DARS1: variants seen among roughly 807,000 people sequenced by gnomAD.
DARS1 encodes the protein aspartate--tRNA ligase, cytoplasmic.
A neutral mutation model predicts 68.8 loss-of-function variants in DARS1; 51 were observed. That is an observed-to-expected ratio of 0.74 (90% CI 0.59 to 0.94). The LOEUF is 0.94. Among genes scored for constraint, DARS1 ranks in the 40% least tolerant of loss-of-function variants. The pLI is 0.00. For synonymous variants in DARS1, 203 were observed against 190.4 expected (o/e 1.07, Z -0.55); for missense variants, 607 against 597.3 (o/e 1.02, Z -0.17).
intron 7 of DARS1, among the ~76,000 whole-genome samples, chr2:135,929,969 G>A (rs1681307200): frequency 1.3e-5 from 2 of 152,100 alleles, no homozygotes; most frequent in African/African-American, 2.4e-5. Context: ...TGCCATGAAT[G>A]TAATTCTTTT....
chr2:135,967,006 A>G (rs1176644273), intron 3 of DARS1, among the ~76,000 whole-genome samples: 2 of 152,202 alleles, frequency 1.3e-5, no homozygotes, highest in East Asian at 3.8e-4. Flanking sequence ...CATGGTAGGT[A>G]GTTAGGACAA....
At chr2:135,911,084 T>G (rs1680885941) in intron 15 of DARS1, 55 bp downstream of exon 15, 1 of 768,334 alleles carries the variant, frequency 1.3e-6, no homozygotes, top group Admixed American at 2.4e-5. Context: ...GTAATTCAAA[T>G]TTGTATTATA....
At chr2:135,967,163 A>G (rs1682254825) in intron 3 of DARS1, among the ~76,000 whole-genome samples, 2 of 152,166 alleles carry the variant, frequency 1.3e-5, no homozygotes, top group Non-Finnish European at 2.9e-5. Flanking sequence ...TGGATTCATT[A>G]TTTAGATAAT....
intron 15 of DARS1, 69 bp from the exon 16 acceptor site, chr2:135,907,476 A>C: frequency 2.0e-6 from 2 of 986,778 alleles, no homozygotes; most frequent in Non-Finnish European, 3.1e-6. Context: ...AGAACTACAA[A>C]CATAAATGTA....
At chr2:135,976,151 C>CA (rs1392021546) in intron 3 of DARS1, among the ~76,000 whole-genome samples, 2 of 152,092 alleles carry the variant, frequency 1.3e-5, no homozygotes, top group African/African-American at 4.8e-5. Context: ...ACTGATACAG[C>CA]ATATGAACTC....
In DARS1 at chr2:135,978,142, CAAAAAAAAAAAA is replaced by C. The variant is rs59505882; in HGVS notation, c.217+1120_217+1131del. ...TGGGTGACAGAGCAAGACTCTGTCT[CAAAAAAAAAAAA>C]AAAAAAAAAAAGAAAAAAAGAAAAA... On this transcript the variant is annotated intron_variant, in intron 3 of 15. Transcript: ENST00000264161. Among the ~76,000 whole-genome samples, 7 of 54,736 alleles carry C rather than the reference CAAAAAAAAAAAA, an allele frequency of 1.3e-4. No homozygotes were observed. The East Asian group carries it at 2.7e-3, about 21-fold the overall frequency. 35.9% of individuals were successfully genotyped at this position (54,736 alleles called of 152,430 possible).
intron 15 of DARS1, 31 bp from the exon 16 acceptor site, chr2:135,907,438 T>C: frequency 4.1e-6 from 6 of 1,478,430 alleles, no homozygotes; most frequent in Non-Finnish European, 5.6e-6. Flanking sequence ...CATTAATTCC[T>C]TTTTGAAAAT....
At chr2:135,915,105 TA>T (rs996367465) in intron 11 of DARS1, among the ~76,000 whole-genome samples, 7 of 152,108 alleles carry the variant, frequency 4.6e-5, no homozygotes, top group Admixed American at 1.3e-4. Flanking sequence ...CATATATATA[TA>T]TTTTTTTTTG....
chr2:135,940,580 T>C (rs528663492), intron 5 of DARS1, among the ~76,000 whole-genome samples: 54 of 152,288 alleles, frequency 3.5e-4, no homozygotes, highest in African/African-American at 1.3e-3. Context: ...ACTGGAAGTA[T>C]TCCCTTTGAA....
At chr2:135,967,863 A>C (rs150823137) in intron 3 of DARS1, among the ~76,000 whole-genome samples, 1 of 152,294 alleles carries the variant, frequency 6.6e-6, no homozygotes, top group African/African-American at 2.4e-5. Flanking sequence ...GATCCCAAGT[A>C]AGTCATATTT....
At chr2:135,963,911 C>T (rs893821514) in intron 3 of DARS1, among the ~76,000 whole-genome samples, 1 of 152,002 alleles carries the variant, frequency 6.6e-6, no homozygotes, top group Admixed American at 6.6e-5. Context: ...GAACTCGTGA[C>T]CCCAGGTGAT....
intron 15 of DARS1, among the ~76,000 whole-genome samples, chr2:135,908,840 T>G (rs1174218439): frequency 6.6e-6 from 1 of 152,226 alleles, no homozygotes; most frequent in Non-Finnish European, 1.5e-5. Flanking sequence ...ACGTGTATGT[T>G]CATTGCAGCA....
chr2:135,947,048 G>T (rs1164903525), intron 4 of DARS1, among the ~76,000 whole-genome samples: 1 of 152,134 alleles, frequency 6.6e-6, no homozygotes, highest in African/African-American at 2.4e-5. Flanking sequence ...TCCCAAAGTG[G>T]TGGGATTACA....
At chr2:135,944,649 A>C (rs536478087) in intron 4 of DARS1, among the ~76,000 whole-genome samples, 1 of 152,312 alleles carries the variant, frequency 6.6e-6, no homozygotes, top group East Asian at 1.9e-4. Flanking sequence ...ATCACCTAAT[A>C]CCTAGCTAAA....
chr2:135,948,502 T>G (rs1681774469), intron 4 of DARS1, among the ~76,000 whole-genome samples: 1 of 152,214 alleles, frequency 6.6e-6, no homozygotes, highest in Non-Finnish European at 1.5e-5. Context: ...CCAGAGCACG[T>G]GCTAAATACA....
At chr2:135,920,255 C>G (rs576841930) in intron 10 of DARS1, among the ~76,000 whole-genome samples, 198 bp downstream of exon 10, 1 of 152,276 alleles carries the variant, frequency 6.6e-6, no homozygotes, top group South Asian at 2.1e-4. Context: ...ATTAGTTGAG[C>G]CCCCAAATGA....
chr2:135,927,880 T>C (rs567152777), intron 7 of DARS1, among the ~76,000 whole-genome samples: 32 of 152,298 alleles, frequency 2.1e-4, no homozygotes, highest in African/African-American at 7.5e-4. Flanking sequence ...TGCTATTCTG[T>C]ATTATGTGAA....
At chr2:135,963,683 T>G (rs1682149700) in intron 3 of DARS1, among the ~76,000 whole-genome samples, 1 of 145,560 alleles carries the variant, frequency 6.9e-6, no homozygotes, top group Non-Finnish European at 1.5e-5. Context: ...ATTAATGACT[T>G]CTTTTTTTTT....
At chr2:135,915,552 A>T (rs561551059) in intron 11 of DARS1, among the ~76,000 whole-genome samples, 22 of 152,242 alleles carry the variant, frequency 1.4e-4, no homozygotes, top group African/African-American at 4.6e-4. Flanking sequence ...TTCTCAAAGT[A>T]CTGGGATTAC....
Sources: gnomAD v4.1 joint callset for allele counts (sites outside exome capture counted in the v4.1 genomes callset) on GRCh38, gnomAD v4.1.1 for gene constraint, MANE v1.5 for transcripts, NCBI Gene and HGNC (gene_info 2026-07-23, HGNC 2026-07-21) for gene names.